The following KCNT2 variants were observed in gnomAD, a reference collection of about 807,000 sequenced individuals.
KCNT2 encodes the protein potassium channel subfamily T member 2.
A neutral mutation model predicts 153.8 loss-of-function variants in KCNT2; 67 were observed. The observed-to-expected ratio is 0.44, with a 90% CI of 0.36 to 0.53. KCNT2 has a LOEUF of 0.53. Ranked by LOEUF, KCNT2 falls within the 20% of genes least tolerant of loss-of-function variation. The pLI, the probability that KCNT2 is intolerant of heterozygous loss-of-function variation, is 0.00. For synonymous variants in KCNT2, 500 were observed against 458.8 expected (o/e 1.09, Z -1.15); for missense variants, 975 against 1,354.8 (o/e 0.72, Z 4.40).
At chr1:196,290,036 C>T (rs1278017163) in intron 22 of KCNT2, among the ~76,000 whole-genome samples, 1 of 151,730 alleles carries the variant, frequency 6.6e-6, no homozygotes, top group Non-Finnish European at 1.5e-5. Flanking sequence ...TCCATCAATA[C>T]CATATGGAAT....
At chr1:196,329,817 G>A (rs1485759312) in intron 18 of KCNT2, among the ~76,000 whole-genome samples, 1 of 142,430 alleles carries the variant, frequency 7.0e-6, no homozygotes, top group African/African-American at 2.6e-5. Context: ...GTGCATATAG[G>A]TATATATATG....
intron 8 of KCNT2, among the ~76,000 whole-genome samples, chr1:196,430,396 C>CTCTCTT (rs201071450): frequency 3.2e-4 from 48 of 148,312 alleles, no homozygotes; most frequent in Non-Finnish European, 4.4e-4. Context: ...CTCTCTCTCT[C>CTCTCTT]TCTCTCTCTC....
At chr1:196,283,550 A>G (rs1659330458) in intron 23 of KCNT2, among the ~76,000 whole-genome samples, 2 of 152,188 alleles carry the variant, frequency 1.3e-5, no homozygotes, top group Admixed American at 6.6e-5. Flanking sequence ...GAAAGGTTGA[A>G]AGCTAGAATA....
chr1:196,562,983 A>T (rs993914728), intron 1 of KCNT2, among the ~76,000 whole-genome samples: 1 of 151,948 alleles, frequency 6.6e-6, no homozygotes, highest in African/African-American at 2.4e-5. Flanking sequence ...AGGAGTAAAT[A>T]CTTTATTATT....
chr1:196,405,150 C>T (rs1037804547), intron 12 of KCNT2, among the ~76,000 whole-genome samples: 1 of 150,564 alleles, frequency 6.6e-6, no homozygotes, highest in Non-Finnish European at 1.5e-5. Flanking sequence ...AACAAAGAAA[C>T]AAGATTTCAC....
intron 8 of KCNT2, among the ~76,000 whole-genome samples, chr1:196,445,090 A>G (rs1473607390): frequency 6.6e-6 from 1 of 151,410 alleles, no homozygotes; most frequent in African/African-American, 2.4e-5. Flanking sequence ...TAAAGTGTAT[A>G]TCCAAGAAAT....
rs763867264 is a variant in KCNT2 at position 196,280,988 on chromosome 1, T to G, written c.2782A>C (p.Met928Leu). 1 of 1,604,942 alleles carries G rather than the reference T, an allele frequency of 6.2e-7. No homozygotes were observed. The highest frequency in any genetic ancestry group is 2.2e-5 in the East Asian group (1 of 44,782). ...CATAAGTCATCTGCAGTGATTTTCA[T>G]CTATAACACACACAAATTATTTACA... is the stretch of plus-strand genomic sequence containing the variant. ...TTPGSGFLCSMKITADDLWIR... is the reference protein window; with the variant it reads ...TTPGSGFLCSLKITADDLWIR... Residue 928 changes from methionine (M) to leucine (L), a missense_variant and splice_region_variant, in exon 25 of 28, where the codon ATG becomes CTG. By Grantham distance (15) the Met-to-Leu change is conservative. This residue lies in a region of KCNT2 where 241 missense variants were observed against 271.1 expected (regional missense o/e 0.89). Coordinates refer to ENST00000294725, the MANE Select transcript of KCNT2 (RefSeq NM_198503.5).
chr1:196,578,313 G>T (rs1012529574), intron 1 of KCNT2, among the ~76,000 whole-genome samples: 2 of 152,118 alleles, frequency 1.3e-5, no homozygotes, highest in Admixed American at 1.3e-4. Flanking sequence ...AAGACAACAA[G>T]AAGCACCTCA....
intron 10 of KCNT2, among the ~76,000 whole-genome samples, chr1:196,427,706 T>G (rs1356422180): frequency 6.6e-6 from 1 of 152,112 alleles, no homozygotes; most frequent in African/African-American, 2.4e-5. Context: ...CTTGATAAAA[T>G]TCTGCAGTAT....
At chr1:196,435,135 G>GTGTGTATA (rs747899287) in intron 8 of KCNT2, among the ~76,000 whole-genome samples, 15 of 76,854 alleles carry the variant, frequency 2.0e-4, no homozygotes, top group South Asian at 8.6e-4. Context: ...GTGTGTGTGT[G>GTGTGTATA]TATGTATATA....
At chr1:196,515,907 A>G (rs2148811152) in intron 1 of KCNT2, among the ~76,000 whole-genome samples, 1 of 152,190 alleles carries the variant, frequency 6.6e-6, no homozygotes, top group South Asian at 2.1e-4. Flanking sequence ...TCTCCCACAG[A>G]TTTTTGCAAC....
chr1:196,333,035 C>T (rs1337185084), intron 17 of KCNT2, among the ~76,000 whole-genome samples: 1 of 151,884 alleles, frequency 6.6e-6, no homozygotes, highest in African/African-American at 2.4e-5. Flanking sequence ...AATGATCCTG[C>T]CATCTCGGCC....
intron 12 of KCNT2, among the ~76,000 whole-genome samples, chr1:196,421,615 G>A (rs1196710955): frequency 6.6e-6 from 1 of 151,930 alleles, no homozygotes; most frequent in Admixed American, 6.6e-5. Flanking sequence ...AAGAAAGTGG[G>A]GAGCAGATAC....
chr1:196,360,678 C>T (rs992184081), intron 14 of KCNT2, among the ~76,000 whole-genome samples: 3 of 151,946 alleles, frequency 2.0e-5, no homozygotes, highest in African/African-American at 4.8e-5. Context: ...GGAATGTGGG[C>T]GCAACAGAGG....
chr1:196,423,147 AC>A lies in KCNT2; in HGVS notation c.1122-35del, dbSNP rs561687480. 3.9e-3 allele frequency: 5,437 copies of A among 1,382,538 alleles called. 36 individuals are homozygous for A. Among genetic ancestry groups the A allele is most frequent in the Non-Finnish European group, 4.6e-3 (4,564 of 986,028 alleles). 85.6% of individuals were successfully genotyped at this position (1,382,538 alleles called of 1,614,324 possible). ...AGATGGAAAAACAAAATAATCACACACTGAAATATCTACAGGTTTTCTGAAA... is the reference window on the plus strand; with the variant it reads ...AGATGGAAAAACAAAATAATCACACATGAAATATCTACAGGTTTTCTGAAA... On this transcript the variant is annotated intron_variant, in intron 11 of 27. Transcript: ENST00000294725.
At chr1:196,367,950 C>A (rs568268431) in intron 14 of KCNT2, among the ~76,000 whole-genome samples, 1 of 152,224 alleles carries the variant, frequency 6.6e-6, no homozygotes, top group Non-Finnish European at 1.5e-5. Context: ...GCAGAGAATG[C>A]ATTTTACGAT....
At chr1:196,438,529 T>C (rs1474430866) in intron 8 of KCNT2, among the ~76,000 whole-genome samples, 1 of 151,904 alleles carries the variant, frequency 6.6e-6, no homozygotes, top group African/African-American at 2.4e-5. Context: ...ACCCATAATC[T>C]TTAACTATTT....
intron 22 of KCNT2, among the ~76,000 whole-genome samples, chr1:196,293,720 T>C (rs1443858439): frequency 6.6e-6 from 1 of 151,916 alleles, no homozygotes; most frequent in East Asian, 1.9e-4. Context: ...ATTGTCAAAC[T>C]ATTAGAAGAA....
At chr1:196,588,558 ATT>A in intron 1 of KCNT2, among the ~76,000 whole-genome samples, 1 of 152,152 alleles carries the variant, frequency 6.6e-6, no homozygotes, top group East Asian at 1.9e-4. Context: ...AGTCACTTTT[ATT>A]GTTATTCTTA....
Sources: gnomAD v4.1 joint callset for allele counts (sites outside exome capture counted in the v4.1 genomes callset) on GRCh38, gnomAD v4.1.1 for gene constraint, gnomAD v4.1.1 regional missense constraint, MANE v1.5 for transcripts, NCBI Gene and HGNC (gene_info 2026-07-23, HGNC 2026-07-21) for gene names.